The following ERBB4 variants were observed in gnomAD, a reference collection of about 807,000 sequenced individuals.
ERBB4 encodes receptor tyrosine-protein kinase erbB-4.
Under a neutral mutation model 158.0 loss-of-function variants are expected in ERBB4, and 42 were observed. The observed-to-expected ratio is 0.27, with a 90% CI of 0.21 to 0.34. The LOEUF is 0.34. ERBB4 is among the 10% of genes least tolerant of loss of function. The pLI is 1.00. For synonymous variants in ERBB4, 583 were observed against 558.7 expected (o/e 1.04, Z -0.61); for missense variants, 1,333 against 1,624.1 (o/e 0.82, Z 3.08).
intron 2 of ERBB4, among the ~76,000 whole-genome samples, chr2:212,081,442 G>A (rs1463768320): frequency 6.6e-6 from 1 of 152,092 alleles, no homozygotes; most frequent in Admixed American, 6.6e-5. Context: ...ATGACAGTGC[G>A]GTACTAATCA....
chr2:211,963,594 T>A (rs1033753526), intron 2 of ERBB4, among the ~76,000 whole-genome samples: 1 of 152,138 alleles, frequency 6.6e-6, no homozygotes, highest in African/African-American at 2.4e-5. Flanking sequence ...TATCTATTTA[T>A]AAGGGTAAAT....
chr2:212,142,615 A>T (rs2125608539), intron 1 of ERBB4, among the ~76,000 whole-genome samples: 1 of 147,806 alleles, frequency 6.8e-6, no homozygotes, highest in African/African-American at 2.4e-5. Context: ...ATTAAAATAT[A>T]TATATAATAT....
rs2066823035 is a variant in ERBB4, at chr2:211,542,009, T to A, written c.2487+19894A>T. On this transcript the variant is annotated intron_variant, in intron 20 of 27. Transcript: ENST00000342788. Reference sequence around the variant, plus strand: ...ATTAATGGAGGTAGGGTCCACATTTTTTTTATTGTTATTGATCTCATTACT... The same window carrying A: ...ATTAATGGAGGTAGGGTCCACATTTATTTTATTGTTATTGATCTCATTACT... 2.0e-5 allele frequency among the ~76,000 whole-genome samples: 3 copies of A among 152,018 alleles called. No homozygotes were observed. In the South Asian group the frequency reaches 6.2e-4, roughly 31 times the overall value.
In ERBB4 at chr2:211,889,594, G is replaced by A. The variant is rs557264569; in HGVS notation, c.421+57836C>T. ...GAGCTGAGAGAAGAAGGCTTCAGACGATCAAATTACTCCGAGCTACGGGAG... is the reference window on the plus strand; with the variant it reads ...GAGCTGAGAGAAGAAGGCTTCAGACAATCAAATTACTCCGAGCTACGGGAG... On this transcript the variant is annotated intron_variant, in intron 3 of 27. Coordinates refer to ENST00000342788, the MANE Select transcript of ERBB4 (RefSeq NM_005235.3). Among the ~76,000 whole-genome samples, 693 of 151,178 alleles carry A rather than the reference G, an allele frequency of 4.6e-3. 5 individuals carry two copies. The highest frequency in any genetic ancestry group is 0.016 in the African/African-American group (665 of 40,910).
intron 14 of ERBB4, among the ~76,000 whole-genome samples, chr2:211,668,194 TGGTA>T (rs1165720279): frequency 2.0e-5 from 3 of 152,210 alleles, no homozygotes; most frequent in African/African-American, 7.2e-5. Flanking sequence ...TATAATTTTA[TGGTA>T]ACACCATTGC....
At chr2:211,721,443 C>CAAAAAAAGAAA (rs2074087204) in intron 7 of ERBB4, among the ~76,000 whole-genome samples, 1 of 54,500 alleles carries the variant, frequency 1.8e-5, no homozygotes, top group Non-Finnish European at 3.0e-5. Context: ...TTACTCAAAG[C>CAAAAAAAGAAA]AAAAAAAAAA....
At chr2:211,546,604 T>C (rs530014425) in intron 20 of ERBB4, among the ~76,000 whole-genome samples, 100 of 152,242 alleles carry the variant, frequency 6.6e-4, no homozygotes, top group African/African-American at 2.2e-3. Flanking sequence ...AATGAGGGTG[T>C]ACAAGTAGGA....
chr2:212,056,919 C>T (rs2077593662), intron 2 of ERBB4, among the ~76,000 whole-genome samples: 2 of 152,156 alleles, frequency 1.3e-5, no homozygotes, highest in Middle Eastern at 3.2e-3. Flanking sequence ...ATCAAATTCA[C>T]ACATAACAAT....
intron 20 of ERBB4, among the ~76,000 whole-genome samples, chr2:211,533,092 C>A (rs1454827640): frequency 6.6e-6 from 1 of 151,482 alleles, no homozygotes; most frequent in Admixed American, 6.6e-5. Flanking sequence ...TATTTCTATA[C>A]CTTCCTTTTT....
chr2:212,313,462 ATAAC>A (rs1205109927), intron 1 of ERBB4, among the ~76,000 whole-genome samples: 1 of 150,942 alleles, frequency 6.6e-6, no homozygotes, highest in African/African-American at 2.4e-5. Flanking sequence ...GTATATATAT[ATAAC>A]TAACTCCAGT....
At chr2:211,503,080 G>T (rs2065656177) in intron 20 of ERBB4, among the ~76,000 whole-genome samples, 1 of 152,070 alleles carries the variant, frequency 6.6e-6, no homozygotes, top group Admixed American at 6.5e-5. Flanking sequence ...ATGGATGAAT[G>T]AAGAAACTCT....
At chr2:212,006,238 GAA>G (rs2076256718) in intron 2 of ERBB4, among the ~76,000 whole-genome samples, 1 of 151,866 alleles carries the variant, frequency 6.6e-6, no homozygotes, top group Non-Finnish European at 1.5e-5. Flanking sequence ...TGCACATTTT[GAA>G]AATAAATATT....
chr2:212,452,350 T>C (rs986683026), intron 1 of ERBB4, among the ~76,000 whole-genome samples: 1 of 151,850 alleles, frequency 6.6e-6, no homozygotes, highest in Non-Finnish European at 1.5e-5. Context: ...TTTGACACCT[T>C]TGTATATGAA....
chr2:212,270,815 A>G (rs1180580427), intron 1 of ERBB4, among the ~76,000 whole-genome samples: 5 of 151,696 alleles, frequency 3.3e-5, no homozygotes, highest in Admixed American at 1.3e-4. Flanking sequence ...AGAGGGAGCT[A>G]TTGGGAGAGG....
At chr2:212,251,028 T>C in intron 1 of ERBB4, among the ~76,000 whole-genome samples, 1 of 151,988 alleles carries the variant, frequency 6.6e-6, no homozygotes, top group East Asian at 1.9e-4. Flanking sequence ...GTTTATCAAA[T>C]AGTCTAGGGC....
At chr2:211,550,084 A>G (rs1278675343) in intron 20 of ERBB4, among the ~76,000 whole-genome samples, 1 of 152,154 alleles carries the variant, frequency 6.6e-6, no homozygotes, top group East Asian at 1.9e-4. Flanking sequence ...GTTTTGATAC[A>G]TGTATACATT....
chr2:211,422,370 T>A (rs910761708), intron 23 of ERBB4, among the ~76,000 whole-genome samples: 2 of 150,632 alleles, frequency 1.3e-5, no homozygotes, highest in African/African-American at 5.0e-5. Context: ...CAATATAAGT[T>A]ATTATTTTGT....
intron 20 of ERBB4, among the ~76,000 whole-genome samples, chr2:211,493,568 A>G (rs1354631219): frequency 2.0e-5 from 3 of 147,642 alleles, no homozygotes; most frequent in Non-Finnish European, 3.0e-5. Flanking sequence ...ACAAAAAACA[A>G]AAACAAAAAC....
At chr2:212,079,279 G>A (rs911151418) in intron 2 of ERBB4, among the ~76,000 whole-genome samples, 1 of 151,762 alleles carries the variant, frequency 6.6e-6, no homozygotes, top group Non-Finnish European at 1.5e-5. Context: ...AGCAATAACT[G>A]TTATTATTTT....
Sources: gnomAD v4.1 joint callset for allele counts (sites outside exome capture counted in the v4.1 genomes callset) on GRCh38, gnomAD v4.1.1 for gene constraint, MANE v1.5 for transcripts, NCBI Gene and HGNC (gene_info 2026-07-23, HGNC 2026-07-21) for gene names.